The following GRSF1 variants were observed in gnomAD, a reference collection of about 807,000 sequenced individuals.
The protein encoded by GRSF1 is G-rich RNA sequence binding factor 1.
In GRSF1, 50 loss-of-function variants were observed where a neutral mutation model predicts 51.1. The observed-to-expected ratio is 0.98, with a 90% CI of 0.78 to 1.24. The LOEUF is 1.24. GRSF1 is among the 50% of genes most tolerant of loss of function. The pLI is 0.00. For synonymous variants in GRSF1, 293 were observed against 253.3 expected, an observed-to-expected ratio of 1.16 and a Z score of -1.49; for missense variants, 700 against 639.7, an observed-to-expected ratio of 1.09 and a Z score of -1.02.
chr4:70,822,150 G>A (rs1272284891), intron 9 of GRSF1, among the ~76,000 whole-genome samples: 1 of 151,932 alleles, frequency 6.6e-6, no homozygotes, highest in African/African-American at 2.4e-5. Context: ...AAATCTCACG[G>A]GTAGGTTAAC....
At chr4:70,822,855 C>A (rs1405722319) in intron 9 of GRSF1, among the ~76,000 whole-genome samples, 1 of 152,044 alleles carries the variant, frequency 6.6e-6, no homozygotes, top group Non-Finnish European at 1.5e-5. Flanking sequence ...CTTTGGGAAG[C>A]CAAGGCAGGT....
chr4:70,833,201 G>C lies in GRSF1; in HGVS notation c.587C>G (p.Ala196Gly), dbSNP rs762894848. 1 of 1,613,564 alleles carries C rather than the reference G, an allele frequency of 6.2e-7. No homozygotes were observed. Among genetic ancestry groups the C allele is most frequent in the South Asian group, 1.1e-5 (1 of 91,072 alleles). Residue 196 changes from alanine (A) to glycine (G), a missense_variant, in exon 3 of 10, where the codon GCC becomes GGC. Coordinates refer to ENST00000254799, the MANE Select transcript of GRSF1 (RefSeq NM_002092.4). ...CTGCTCTGACTCCATTTCAATTAAG[G>C]CATCACCCCTTCGTTTCCCATCTCT... Reference protein sequence around the residue: ...LNRDGKRRGDALIEMESEQDV... With the variant: ...LNRDGKRRGDGLIEMESEQDV...
Position 70,832,427 on chromosome 4 carries a change from C to T in GRSF1, c.694G>A (p.Val232Met), listed in dbSNP as rs1261308081. The T allele has an allele frequency of 1.9e-6, 3 of 1,608,208 alleles. No homozygotes were observed. The South Asian group carries it at 3.3e-5, about 18-fold the overall frequency. The change falls in exon 4 of 10, where the codon GTG (valine) becomes ATG (methionine). Residue 232 changes from valine to methionine, a missense_variant. Physicochemically the swap from Val to Met is conservative, Grantham distance 21 (BLOSUM62 1). Transcript: ENST00000254799. Reference sequence around the variant, plus strand: ...TGCAAGCTCTTCATTAAGGCATCCACATCTTCATTGTTTATCTCATATACT... The same window carrying T: ...TGCAAGCTCTTCATTAAGGCATCCATATCTTCATTGTTTATCTCATATACT... ...VEVYEINNED[V>M]DALMKSLQVK... is the part of the protein sequence containing the mutation.
Position 70,832,405 on chromosome 4 carries a change from A to C in GRSF1, c.716T>G (p.Leu239Trp). ...NEDVDALMKS[L>W]QVKSSPVVND... ...TACCACAGGCGAAGATTTGACCTGC[A>C]AGCTCTTCATTAAGGCATCCACATC... The change falls in exon 4 of 10, where the codon TTG becomes TGG. Residue 239 changes from leucine (L) to tryptophan (W), a missense_variant. Coordinates refer to ENST00000254799, the MANE Select transcript of GRSF1 (RefSeq NM_002092.4). The C allele has an allele frequency of 6.2e-7, 1 of 1,610,878 alleles. No individual in the cohort carries two copies. Among genetic ancestry groups the C allele is most frequent in the Non-Finnish European group, 8.5e-7 (1 of 1,177,060 alleles).
In GRSF1 at chr4:70,839,782, C is replaced by A. The variant is rs1214386922; in HGVS notation, c.46G>T (p.Gly16Cys). 1.3e-6 allele frequency: 2 copies of A among 1,506,088 alleles called. No individual in the cohort carries two copies. The highest frequency in any genetic ancestry group is 2.8e-5 in the East Asian group (1 of 36,272). The allele number at this position is 1,506,088 out of a possible 1,614,324, so 93.3% of individuals were successfully genotyped here. The change falls in exon 1 of 10, where the codon GGC (glycine) becomes TGC (cysteine). Residue 16 changes from glycine to cysteine, a missense_variant. Coordinates refer to ENST00000254799, the MANE Select transcript of GRSF1 (RefSeq NM_002092.4). ...CGCCGGCAGCTGCTGCAGTTACAGC[C>A]GCAGCCCCGGAGCAGCGCCCCGAGT... ...WVLGALLRGC[G>C]CNCSSCRRTG...
chr4:70,830,600 CTT>C, intron 5 of GRSF1, among the ~76,000 whole-genome samples: 5 of 152,030 alleles, frequency 3.3e-5, no homozygotes, highest in South Asian at 2.1e-4. Context: ...GGGTGAATGA[CTT>C]GAGTCCGGGA....
chr4:70,831,348 T>C (rs965806324), intron 5 of GRSF1, among the ~76,000 whole-genome samples, 191 bp downstream of exon 5: 4 of 149,996 alleles, frequency 2.7e-5, no homozygotes, highest in Non-Finnish European at 5.9e-5. Context: ...AGAGTGAAAC[T>C]CTGTCTCAAA....
chr4:70,827,510 T>C (rs1733783894), intron 6 of GRSF1, among the ~76,000 whole-genome samples: 3 of 151,960 alleles, frequency 2.0e-5, no homozygotes, highest in African/African-American at 7.2e-5. Flanking sequence ...TTAGGCCGGG[T>C]GTGTTGGCTC....
At position 70,833,216 on chromosome 4, in the gene GRSF1, T is replaced by C; in HGVS notation, c.572A>G (p.Lys191Arg). The C allele has an allele frequency of 2.5e-6, 4 of 1,613,920 alleles. No homozygotes were observed. The highest frequency in any genetic ancestry group is 2.5e-6 in the Non-Finnish European group (3 of 1,179,790). The part of the protein sequence containing the change: ...GIHFLLNRDG[K>R]RRGDALIEME... ...TTCAATTAAGGCATCACCCCTTCGT[T>C]TCCCATCTCTGTTTAGGAGAAAATG... The change falls in exon 3 of 10, where the codon AAA becomes AGA. Residue 191 changes from lysine to arginine, a missense_variant. Coordinates refer to ENST00000254799, the MANE Select transcript of GRSF1 (RefSeq NM_002092.4).
At chr4:70,843,002 G>A (rs1031217644), upstream of GRSF1, among the ~76,000 whole-genome samples, 3 of 151,970 alleles carry the variant, frequency 2.0e-5, no homozygotes, top group Admixed American at 6.6e-5. Flanking sequence ...AGCTGAGACC[G>A]CACCACTGCA....
intron 4 of GRSF1, 130 bp from the exon 5 acceptor site, chr4:70,831,804 A>G (rs746130014): frequency 6.3e-5 from 43 of 678,420 alleles, no homozygotes; most frequent in Non-Finnish European, 9.8e-5. Flanking sequence ...GCTTGACAGG[A>G]AGAAAATTAT....
chr4:70,822,357 CG>C (rs1230841254), intron 9 of GRSF1, among the ~76,000 whole-genome samples: 6 of 151,136 alleles, frequency 4.0e-5, no homozygotes, highest in Non-Finnish European at 8.9e-5. Context: ...CTGAGGCTAG[CG>C]GATCACTGGA....
At chr4:70,832,658 AC>A (rs1470506045) in intron 3 of GRSF1, among the ~76,000 whole-genome samples, 1 of 152,244 alleles carries the variant, frequency 6.6e-6, no homozygotes, top group Non-Finnish European at 1.5e-5. Context: ...CTTGTAAGAT[AC>A]TTCATTGGCC....
rs1480245783 is a variant in GRSF1, at chr4:70,820,122, C to T, written c.*765G>A. The stretch of plus-strand genomic sequence containing the variant: ...ACTTCACAGTTTTGAGACTAACAAA[C>T]ACCCTTAGGTCTACCCCAAACCAAA... On this transcript the variant is annotated 3_prime_UTR_variant, in exon 10 of 10. Transcript: ENST00000254799. 2.0e-5 allele frequency: 3 copies of T among 152,166 alleles called. No individual in the cohort carries two copies. Among genetic ancestry groups the T allele is most frequent in the African/African-American group, 7.2e-5 (3 of 41,428 alleles). 9.4% of individuals were successfully genotyped at this position (152,166 alleles called of 1,614,324 possible).
In GRSF1 at chr4:70,817,214, TG is replaced by T. The variant is rs1288931261; in HGVS notation, c.*3672del. 46 of 150,044 alleles carry T rather than the reference TG, an allele frequency of 3.1e-4. No individual in the cohort carries two copies. Among genetic ancestry groups the T allele is most frequent in the African/African-American group, 1.2e-3 (46 of 39,816 alleles). 9.3% of individuals were successfully genotyped at this position (150,044 alleles called of 1,614,324 possible). A position where few individuals can be genotyped will look rare whatever the true frequency, so the allele number is the denominator to read the frequency against. On this transcript the variant is annotated 3_prime_UTR_variant, in exon 10 of 10. Coordinates refer to ENST00000254799, the MANE Select transcript of GRSF1 (RefSeq NM_002092.4). ...AATATAAACAACTTTAAAATGAGCC[TG>T]CTTTTTTTTTTTCTGAGACAGGGTC...
Position 70,839,882 on chromosome 4 carries a change from A to C in GRSF1, c.-55T>G. ...GCAGCTGCTCCAGCAGCGATGGTGG[A>C]ACGGAAGTGGAATCCAGGGCCGGTT... On this transcript the variant is annotated 5_prime_UTR_variant, in exon 1 of 10. Transcript: ENST00000254799. 1 of 1,419,730 alleles carries C rather than the reference A, an allele frequency of 7.0e-7. No individual in the cohort carries two copies. The highest frequency in any genetic ancestry group is 9.1e-7 in the Non-Finnish European group (1 of 1,093,894). 87.9% of individuals were successfully genotyped at this position (1,419,730 alleles called of 1,614,324 possible).
intron 1 of GRSF1, among the ~76,000 whole-genome samples, chr4:70,838,243 T>C (rs1167064460): frequency 2.2e-5 from 3 of 134,486 alleles, no homozygotes; most frequent in Non-Finnish European, 4.8e-5. Context: ...AAAAAAGGCT[T>C]AATGTTTAGT....
rs556362408 is a variant in GRSF1, at chr4:70,821,831, A to G, written c.*26-970T>C. Among the ~76,000 whole-genome samples the G allele has an allele frequency of 1.6e-4, 25 of 152,016 alleles. No homozygotes were observed. The South Asian group carries it at 4.8e-3, about 29-fold the overall frequency. On this transcript the variant is annotated intron_variant, in intron 9 of 9. Coordinates refer to ENST00000254799, the MANE Select transcript of GRSF1 (RefSeq NM_002092.4). ...GCTGGAACTACAGACATGCACCACC[A>G]CACCCAGCTAATTTTTGTATTTTTA...
At chr4:70,837,560 T>C (rs1734265774) in intron 1 of GRSF1, among the ~76,000 whole-genome samples, 1 of 35,692 alleles carries the variant, frequency 2.8e-5, no homozygotes, top group African/African-American at 9.9e-5. Context: ...CAAGACTCCG[T>C]CTCAAAAAAA....
Sources: gnomAD v4.1 joint callset for allele counts (sites outside exome capture counted in the v4.1 genomes callset) on GRCh38, gnomAD v4.1.1 for gene constraint, MANE v1.5 for transcripts, NCBI Gene and HGNC (gene_info 2026-07-23, HGNC 2026-07-21) for gene names.